The following HOXB13 variants were observed in gnomAD, a reference collection of about 807,000 sequenced individuals.
The protein encoded by HOXB13 is homeobox B13, also known as homeobox protein Hox-B13.
HOXB13 carries 22 observed loss-of-function variants against 23.1 expected under a neutral mutation model. The observed-to-expected ratio is 0.95, with a 90% CI of 0.68 to 1.36. The LOEUF (loss-of-function observed/expected upper bound fraction) is 1.36, where lower values mean the gene tolerates loss of function less well. HOXB13 is among the 40% of genes most tolerant of loss of function. HOXB13 has a pLI of 0.00. For synonymous variants in HOXB13, 173 were observed against 157.9 expected (o/e 1.10, Z -0.72); for missense variants, 386 against 376.2 (o/e 1.03, Z -0.22).
rs1597933762 is a variant in HOXB13, at chr17:48,728,016, G to A, written c.578C>T (p.Pro193Leu). Residue 193 changes from proline to leucine, a missense_variant, in exon 1 of 2, where the codon CCC (proline) becomes CTC (leucine). Pro to Leu is a moderately conservative substitution (Grantham distance 98). Transcript: ENST00000290295. ...ACCTGCAAATGCTGCCTTCCAAAAG[G>A]GACCTGGTGGGTTCTGTTCTCCCTG... ...CCQGEQNPPG[P>L]FWKAAFADSS... is the part of the protein sequence containing the mutation. The A allele has an allele frequency of 1.2e-6, 2 of 1,614,068 alleles. No individual in the cohort carries two copies. The highest frequency in any genetic ancestry group is 4.5e-5 in the East Asian group (2 of 44,880).
At position 48,726,751 on chromosome 17, in the gene HOXB13, C is replaced by G; in HGVS notation, c.*39G>C. 6.2e-7 allele frequency: 1 copy of G among 1,607,490 alleles called. No homozygotes were observed. The highest frequency in any genetic ancestry group is 8.5e-7 in the Non-Finnish European group (1 of 1,176,114). ...GCAGGTTCCTGGTCTCCCCAGGACA[C>G]CCCCACTTTCGCTCCTCCCACCCAG... On this transcript the variant is annotated 3_prime_UTR_variant, in exon 2 of 2. Transcript: ENST00000290295.
chr17:48,728,487 T>C lies in HOXB13; in HGVS notation c.107A>G (p.His36Arg), dbSNP rs1597935095. The C allele has an allele frequency of 6.2e-7, 1 of 1,613,306 alleles. No homozygotes were observed. The highest frequency in any genetic ancestry group is 8.5e-7 in the Non-Finnish European group (1 of 1,179,902). Residue 36 changes from histidine to arginine, a missense_variant, in exon 1 of 2, where the codon CAC (histidine) becomes CGC (arginine). Physicochemically the swap from His to Arg is conservative, Grantham distance 29. Transcript: ENST00000290295. ...AGGCATCAGCGTAGGCGCCGCTGGG[T>C]GGCTGGTCAGAGGGGAGTGGGCGAC... ...NLVAHSPLTSHPAAPTLMPAV... is the reference protein window; with the variant it reads ...NLVAHSPLTSRPAAPTLMPAV...
At position 48,725,435 on chromosome 17, in the gene HOXB13, C is replaced by G. The variant is rs1597931210; in HGVS notation, c.*1355G>C. On this transcript the variant is annotated 3_prime_UTR_variant, in exon 2 of 2. Transcript: ENST00000290295. Reference sequence around the variant, plus strand: ...ACAGGGCTAGGATCCCACCCGACCGCGGGCCATAAACACTTGGCTGCGGCG... The same window carrying G: ...ACAGGGCTAGGATCCCACCCGACCGGGGGCCATAAACACTTGGCTGCGGCG... 1 of 152,174 alleles carries G rather than the reference C, an allele frequency of 6.6e-6. No individual in the cohort carries two copies. The highest frequency in any genetic ancestry group is 2.4e-5 in the African/African-American group (1 of 41,436). The allele number at this position is 152,174 out of a possible 1,614,324, so 9.4% of individuals were successfully genotyped here.
chr17:48,725,201 G>A lies in HOXB13; in HGVS notation c.*1589C>T, dbSNP rs980747215. On this transcript the variant is annotated 3_prime_UTR_variant, in exon 2 of 2. Coordinates refer to ENST00000290295, the MANE Select transcript of HOXB13 (RefSeq NM_006361.6). The stretch of plus-strand genomic sequence containing the variant: ...TGCTCTGAGCGGCGCATGTAACCGA[G>A]GACCTTAAGCTGGACCACGGGGCTT... 1 of 152,462 alleles carries A rather than the reference G, an allele frequency of 6.6e-6. No homozygotes were observed. Among genetic ancestry groups the A allele is most frequent in the African/African-American group, 2.4e-5 (1 of 41,458 alleles). 9.4% of individuals were successfully genotyped at this position (152,462 alleles called of 1,614,324 possible).
intron 1 of HOXB13, 88 bp downstream of exon 1, chr17:48,727,903 CAA>C: frequency 1.4e-6 from 2 of 1,468,358 alleles, no homozygotes; most frequent in South Asian, 2.6e-5. Context: ...TCACCAGCTC[CAA>C]GTCTCCCTCC....
chr17:48,727,465 A>G (rs2038223797), intron 1 of HOXB13, among the ~76,000 whole-genome samples: 1 of 151,836 alleles, frequency 6.6e-6, no homozygotes, highest in African/African-American at 2.4e-5. Flanking sequence ...ACACACACAC[A>G]TTAACCCATC....
In HOXB13 at chr17:48,724,907, G is replaced by A. The variant is rs939572656; in HGVS notation, c.*1883C>T. The A allele has an allele frequency of 5.1e-5, 19 of 372,174 alleles. No individual in the cohort carries two copies. Among genetic ancestry groups the A allele is most frequent in the African/African-American group, 3.5e-4 (17 of 48,112 alleles). The allele number at this position is 372,174 out of a possible 1,614,324, so 23.1% of individuals were successfully genotyped here. A position where few individuals can be genotyped will look rare whatever the true frequency, so the allele number is the denominator to read the frequency against. On this transcript the variant is annotated 3_prime_UTR_variant, in exon 2 of 2. Coordinates refer to ENST00000290295, the MANE Select transcript of HOXB13 (RefSeq NM_006361.6). Reference sequence around the variant, plus strand: ...GTCTCTACCAGGGCCATCTCCGTTAGTGGCGGTGGCAGCCCCTCTTGTGGC... The same window carrying A: ...GTCTCTACCAGGGCCATCTCCGTTAATGGCGGTGGCAGCCCCTCTTGTGGC...
In HOXB13 at chr17:48,727,022, G is replaced by A. The variant is rs1597932994; in HGVS notation, c.623C>T (p.Pro208Leu). 2 of 1,608,410 alleles carry A rather than the reference G, an allele frequency of 1.2e-6. No homozygotes were observed. Among genetic ancestry groups the A allele is most frequent in the Non-Finnish European group, 1.7e-6 (2 of 1,180,002 alleles). Residue 208 changes from proline to leucine, a missense_variant, in exon 2 of 2, where the codon CCT becomes CTT. Physicochemically the swap from Pro to Leu is moderately conservative, Grantham distance 98 (BLOSUM62 -3). Transcript: ENST00000290295. ...GCCGCGACGAAAGGCGCAGGCGTCAGGAGGGTGCTGCCCGCTGGAGTCTGC... is the reference window on the plus strand; with the variant it reads ...GCCGCGACGAAAGGCGCAGGCGTCAAGAGGGTGCTGCCCGCTGGAGTCTGC... ...AFADSSGQHP[P>L]DACAFRRGRK...
In HOXB13 at chr17:48,726,618, A is replaced by G. The variant is rs917815169; in HGVS notation, c.*172T>C. ...CATGGGGTTCCGTCTCCCTGCACAT[A>G]CTGGGTACCCAGGCCGCTCCTGAGG... is the stretch of plus-strand genomic sequence containing the variant. On this transcript the variant is annotated 3_prime_UTR_variant, in exon 2 of 2. Transcript: ENST00000290295. 2.7e-6 allele frequency: 2 copies of G among 751,172 alleles called. No homozygotes were observed. Among genetic ancestry groups the G allele is most frequent in the Non-Finnish European group, 4.2e-6 (2 of 473,348 alleles). The allele number at this position is 751,172 out of a possible 1,614,324, so 46.5% of individuals were successfully genotyped here.
At position 48,726,772 on chromosome 17, in the gene HOXB13, C is replaced by T. The variant is rs1567701029; in HGVS notation, c.*18G>A. ...GACACCCCCACTTTCGCTCCTCCCACCCAGGCAAGGAGATCTCTTAAGGGG... is the reference window on the plus strand; with the variant it reads ...GACACCCCCACTTTCGCTCCTCCCATCCAGGCAAGGAGATCTCTTAAGGGG... On this transcript the variant is annotated 3_prime_UTR_variant, in exon 2 of 2. Transcript: ENST00000290295. 1 of 1,611,134 alleles carries T rather than the reference C, an allele frequency of 6.2e-7. No homozygotes were observed. Among genetic ancestry groups the T allele is most frequent in the Non-Finnish European group, 8.5e-7 (1 of 1,177,788 alleles).
In HOXB13 at chr17:48,728,306, C is replaced by T. The variant is rs767708021; in HGVS notation, c.288G>A (p.Ser96=). 6.2e-7 allele frequency: 1 copy of T among 1,614,120 alleles called. No individual in the cohort carries two copies. The change falls in exon 1 of 2, where the codon TCG becomes TCA. Residue 96 remains serine (S), a synonymous_variant. Coordinates refer to ENST00000290295, the MANE Select transcript of HOXB13 (RefSeq NM_006361.6). ...GYYSCRVSRS[S]LKPCAQAATL... ...TGGCTGCCTGGGCACAGGGTTTCAG[C>T]GAGCTCCGGGACACTCGGCAGGAGT...
rs1597935686 is a variant in HOXB13, at chr17:48,728,659, C to T, written c.-66G>A. 4 of 1,528,654 alleles carry T rather than the reference C, an allele frequency of 2.6e-6. No individual in the cohort carries two copies. Among genetic ancestry groups the T allele is most frequent in the Middle Eastern group, 4.8e-4 (2 of 4,192 alleles). 94.7% of individuals were successfully genotyped at this position (1,528,654 alleles called of 1,614,324 possible). A position where few individuals can be genotyped will look rare whatever the true frequency, so the allele number is the denominator to read the frequency against. On this transcript the variant is annotated 5_prime_UTR_variant, in exon 1 of 2. Transcript: ENST00000290295. ...CTAGGGGGCACCCAGCTCGCTCTCC[C>T]CACCCAGGCCGGGGGAATCCAAAGC...
chr17:48,727,619 C>T (rs544918931), intron 1 of HOXB13, among the ~76,000 whole-genome samples: 3 of 152,340 alleles, frequency 2.0e-5, no homozygotes, highest in South Asian at 2.1e-4. Context: ...CCACTCCCCA[C>T]GCACCGAATT....
chr17:48,728,325 C>A lies in HOXB13; in HGVS notation c.269G>T (p.Cys90Phe), dbSNP rs1483386367. ...TTTCAGCGAGCTCCGGGACACTCGG[C>A]AGGAGTAGTACCCGCCTCCAAAGTA... Reference protein sequence around the residue: ...YGYFGGGYYSCRVSRSSLKPC... With the variant: ...YGYFGGGYYSFRVSRSSLKPC... The change falls in exon 1 of 2, where the codon TGC becomes TTC. Residue 90 changes from cysteine to phenylalanine, a missense_variant. Coordinates refer to ENST00000290295, the MANE Select transcript of HOXB13 (RefSeq NM_006361.6). 1.2e-6 allele frequency: 2 copies of A among 1,613,914 alleles called. No individual in the cohort carries two copies. Among genetic ancestry groups the A allele is most frequent in the South Asian group, 1.1e-5 (1 of 91,084 alleles).
intron 1 of HOXB13, 71 bp downstream of exon 1, chr17:48,727,922 T>TCCC (rs1448867740): frequency 6.5e-7 from 1 of 1,532,094 alleles, no homozygotes; most frequent in African/African-American, 1.4e-5. Flanking sequence ...CTCCTCCTCC[T>TCCC]CCCAGGGAAA....
rs1282566869 is a variant in HOXB13, at chr17:48,725,025, C to A, written c.*1765G>T. 2 of 194,338 alleles carry A rather than the reference C, an allele frequency of 1.0e-5. No individual in the cohort carries two copies. Among genetic ancestry groups the A allele is most frequent in the Non-Finnish European group, 2.1e-5 (2 of 96,886 alleles). 12.0% of individuals were successfully genotyped at this position (194,338 alleles called of 1,614,324 possible). On this transcript the variant is annotated 3_prime_UTR_variant, in exon 2 of 2. Coordinates refer to ENST00000290295, the MANE Select transcript of HOXB13 (RefSeq NM_006361.6). ...CACAGGCCCATCTGCGCTGAACTCT[C>A]GCCAGTTCCGAAGTCGGCGAGGGAG... is the stretch of plus-strand genomic sequence containing the variant.
In HOXB13 at chr17:48,728,380, C is replaced by T; in HGVS notation, c.214G>A (p.Gly72Arg). The change falls in exon 1 of 2, where the codon GGG (glycine) becomes AGG (arginine). Residue 72 changes from glycine to arginine, a missense_variant. Coordinates refer to ENST00000290295, the MANE Select transcript of HOXB13 (RefSeq NM_006361.6). ...TAAGGCACGGGAGCTGGGGACGTCCCCTGGGGCACCCCAGGGCATGGGTGG... is the reference window on the plus strand; with the variant it reads ...TAAGGCACGGGAGCTGGGGACGTCCTCTGGGGCACCCCAGGGCATGGGTGG... The part of the protein sequence containing the change: ...QCHPCPGVPQ[G>R]TSPAPVPYGY... The T allele has an allele frequency of 6.2e-7, 1 of 1,613,880 alleles. No individual in the cohort carries two copies. The highest frequency in any genetic ancestry group is 8.5e-7 in the Non-Finnish European group (1 of 1,180,002).
At position 48,726,431 on chromosome 17, in the gene HOXB13, T is replaced by C. The variant is rs997807986; in HGVS notation, c.*359A>G. 4.6e-6 allele frequency: 1 copy of C among 216,536 alleles called. No homozygotes were observed. Among genetic ancestry groups the C allele is most frequent in the Admixed American group, 5.2e-5 (1 of 19,372 alleles). 13.4% of individuals were successfully genotyped at this position (216,536 alleles called of 1,614,324 possible). A position where few individuals can be genotyped will look rare whatever the true frequency, so the allele number is the denominator to read the frequency against. On this transcript the variant is annotated 3_prime_UTR_variant, in exon 2 of 2. Transcript: ENST00000290295. ...CAAATTTATTCATAATTAGCTCAAT[T>C]CATGAAAGCGGTTTCTAAAGTGCTC...
In HOXB13 at chr17:48,725,030, G is replaced by T. The variant is rs2038192251; in HGVS notation, c.*1760C>A. On this transcript the variant is annotated 3_prime_UTR_variant, in exon 2 of 2. Transcript: ENST00000290295. ...GCCCATCTGCGCTGAACTCTCGCCA[G>T]TTCCGAAGTCGGCGAGGGAGGGGGT... 1.0e-5 allele frequency: 2 copies of T among 191,982 alleles called. No homozygotes were observed. Among genetic ancestry groups the T allele is most frequent in the East Asian group, 2.5e-4 (2 of 8,148 alleles). 11.9% of individuals were successfully genotyped at this position (191,982 alleles called of 1,614,324 possible). A position where few individuals can be genotyped will look rare whatever the true frequency, so the allele number is the denominator to read the frequency against.
Sources: gnomAD v4.1 joint callset for allele counts (sites outside exome capture counted in the v4.1 genomes callset) on GRCh38, gnomAD v4.1.1 for gene constraint, MANE v1.5 for transcripts, NCBI Gene and HGNC (gene_info 2026-07-23, HGNC 2026-07-21) for gene names.